The following SRGAP2C variants were observed in gnomAD, a reference collection of about 807,000 sequenced individuals.
SRGAP2C encodes SLIT-ROBO Rho GTPase-activating protein 2C.
In SRGAP2C, 15 loss-of-function variants were observed where a neutral mutation model predicts 25.1. That is an observed-to-expected ratio of 0.60 (90% CI 0.40 to 0.92). The LOEUF (loss-of-function observed/expected upper bound fraction) is 0.92. Ranked by LOEUF, SRGAP2C falls within the 40% of genes least tolerant of loss-of-function variation. The probability of loss-of-function intolerance (pLI) is 0.00; values close to 1 mark genes in which losing one functional copy is unlikely to be tolerated. For missense variants in SRGAP2C, 144 were observed against 264.4 expected (o/e 0.54, Z 3.16); for synonymous variants, 44 against 96.6 (o/e 0.46, Z 3.19).
intron 3 of SRGAP2C, among the ~76,000 whole-genome samples, chr1:121,305,943 G>C (rs1169448053): frequency 6.6e-6 from 1 of 152,048 alleles, no homozygotes; most frequent in Non-Finnish European, 1.5e-5. Context: ...CTCTTTCTAT[G>C]TACTGACAGG....
chr1:121,337,605 A>G (rs1423673692), intron 4 of SRGAP2C, among the ~76,000 whole-genome samples: 2 of 151,822 alleles, frequency 1.3e-5, no homozygotes, highest in African/African-American at 2.4e-5. Context: ...GTACTCCAGC[A>G]TGGGTGACAG....
chr1:121,291,810 TG>T (rs1341460981), intron 3 of SRGAP2C, among the ~76,000 whole-genome samples: 2 of 126,072 alleles, frequency 1.6e-5, no homozygotes, highest in African/African-American at 6.2e-5. Context: ...ATGAAATTGC[TG>T]GTTTTTTTTG....
chr1:121,351,610 AAAATAAATAAATAAAT>A (rs1218821325), intron 4 of SRGAP2C, among the ~76,000 whole-genome samples: 2 of 104,708 alleles, frequency 1.9e-5, no homozygotes, highest in Admixed American at 9.2e-5. Context: ...ACTCCATCTC[AAAATAAATAAATAAAT>A]AAATAAATAA....
rs1447571028 is a variant in SRGAP2C, at chr1:121,314,928, C to A, written c.261-9550C>A. On this transcript the variant is annotated intron_variant, in intron 3 of 9. Transcript: ENST00000367123. Reference sequence around the variant, plus strand: ...TATTCGGCCATATTGGCTCCTCCCCCCTACACTGAATCATTTATTTTGAGC... The same window carrying A: ...TATTCGGCCATATTGGCTCCTCCCCACTACACTGAATCATTTATTTTGAGC... The A allele has an allele frequency of 1.8e-5, 14 of 775,968 alleles. No individual in the cohort carries two copies. The Middle Eastern group carries it at 1.1e-3, about 61-fold the overall frequency. The allele number at this position is 775,968 out of a possible 1,614,324, so 48.1% of individuals were successfully genotyped here.
chr1:121,243,307 C>G (rs1199295723), intron 2 of SRGAP2C, among the ~76,000 whole-genome samples: 5 of 135,462 alleles, frequency 3.7e-5, no homozygotes, highest in African/African-American at 1.1e-4. Context: ...TTCCTTGGCA[C>G]TTGGTCACAT....
intron 2 of SRGAP2C, among the ~76,000 whole-genome samples, chr1:121,234,962 C>A (rs797033103): frequency 6.6e-6 from 1 of 151,670 alleles, no homozygotes; most frequent in African/African-American, 2.4e-5. Context: ...TTCTTTTCTT[C>A]TTTTCTTTCC....
At chr1:121,328,403 AACTT>A (rs1658359410) in intron 4 of SRGAP2C, among the ~76,000 whole-genome samples, 1 of 151,620 alleles carries the variant, frequency 6.6e-6, no homozygotes, top group Non-Finnish European at 1.5e-5. Flanking sequence ...TAATCTATAA[AACTT>A]AATGATTCAC....
intron 3 of SRGAP2C, among the ~76,000 whole-genome samples, chr1:121,286,386 G>T (rs1657367303): frequency 6.7e-6 from 1 of 150,374 alleles, no homozygotes; most frequent in South Asian, 2.1e-4. Flanking sequence ...GAGTAGCTGG[G>T]ACTGCAGGTG....
intron 4 of SRGAP2C, among the ~76,000 whole-genome samples, chr1:121,339,243 C>T (rs1173459474): frequency 4.4e-5 from 6 of 135,878 alleles, no homozygotes; most frequent in East Asian, 4.1e-4. Flanking sequence ...GGTTCTTTGG[C>T]TATGTTGTCT....
At chr1:121,308,138 G>A (rs1455922731) in intron 3 of SRGAP2C, among the ~76,000 whole-genome samples, 2 of 128,692 alleles carry the variant, frequency 1.6e-5, no homozygotes, top group Non-Finnish European at 3.4e-5. Flanking sequence ...AGCCCTTTGA[G>A]ATGCTAAGGG....
Position 121,244,290 on chromosome 1 carries a change from C to T in SRGAP2C, c.68-40513C>T, listed in dbSNP as rs1451224357. ...CTGCCACCAGTTGATTGCTTTTGTT[C>T]GCATGTATTACTTTGGTAAAAAAAT... On this transcript the variant is annotated intron_variant, in intron 2 of 9. Transcript: ENST00000367123. Among the ~76,000 whole-genome samples the T allele has an allele frequency of 5.2e-5, 6 of 114,928 alleles. 1 individual carries two copies. The highest frequency in any genetic ancestry group is 2.7e-4 in the Admixed American group (3 of 11,236). The allele number at this position is 114,928 out of a possible 152,430, so 75.4% of individuals were successfully genotyped here. A position where few individuals can be genotyped will look rare whatever the true frequency, so the allele number is the denominator to read the frequency against.
At chr1:121,249,581 T>A (rs1201142936) in intron 2 of SRGAP2C, among the ~76,000 whole-genome samples, 1 of 13,140 alleles carries the variant, frequency 7.6e-5, no homozygotes, top group East Asian at 2.7e-3. Flanking sequence ...TATATATATA[T>A]TTTTTTTTTT....
chr1:121,270,956 C>T lies in SRGAP2C; in HGVS notation c.68-13847C>T, dbSNP rs587742008. ...TACAGGCGCCCGCCACCACGCCCAG[C>T]TACTTTTTTTGTATTTTTTTTTAGT... On this transcript the variant is annotated intron_variant, in intron 2 of 9. Coordinates refer to ENST00000367123, the MANE Select transcript of SRGAP2C (RefSeq NM_001329984.2). Among the ~76,000 whole-genome samples, 590 of 151,318 alleles carry T rather than the reference C, an allele frequency of 3.9e-3. 8 individuals carry two copies. The highest frequency in any genetic ancestry group is 0.013 in the African/African-American group (542 of 41,406).
chr1:121,278,357 C>T (rs1657161139), intron 2 of SRGAP2C, among the ~76,000 whole-genome samples: 2 of 149,990 alleles, frequency 1.3e-5, no homozygotes, highest in African/African-American at 4.9e-5. Flanking sequence ...ATCTTGATGG[C>T]CTTTTCTTGG....
Position 121,314,970 on chromosome 1 carries a change from C to T in SRGAP2C, c.261-9508C>T, listed in dbSNP as rs1227826800. 2,497 of 1,015,794 alleles carry T rather than the reference C, an allele frequency of 2.5e-3. 126 individuals are homozygous for T. The South Asian group carries it at 0.031, about 12-fold the overall frequency. 62.9% of individuals were successfully genotyped at this position (1,015,794 alleles called of 1,614,324 possible). On this transcript the variant is annotated intron_variant, in intron 3 of 9. Transcript: ENST00000367123. ...ATTTTGAGCCAGGGCTTGAAGCAGACAATCCAAGCATCCTTCTAAACTATC... is the reference window on the plus strand; with the variant it reads ...ATTTTGAGCCAGGGCTTGAAGCAGATAATCCAAGCATCCTTCTAAACTATC...
chr1:121,281,633 GA>G (rs1293531882), intron 2 of SRGAP2C, among the ~76,000 whole-genome samples: 1 of 84,366 alleles, frequency 1.2e-5, no homozygotes, highest in Non-Finnish European at 2.4e-5. Context: ...CACAGGACAA[GA>G]AAAGCACTTC....
chr1:121,224,746 G>A (rs1259907170), intron 2 of SRGAP2C, among the ~76,000 whole-genome samples: 3 of 151,116 alleles, frequency 2.0e-5, no homozygotes, highest in Non-Finnish European at 4.4e-5. Context: ...ACTGGACAGG[G>A]AATAAAACCA....
chr1:121,236,670 G>T (rs1464860516), intron 2 of SRGAP2C, among the ~76,000 whole-genome samples: 1 of 151,650 alleles, frequency 6.6e-6, no homozygotes, highest in African/African-American at 2.4e-5. Context: ...TCCTCTTTCA[G>T]TTCGAGATCT....
At chr1:121,362,353 C>G (rs1553348750) in intron 4 of SRGAP2C, among the ~76,000 whole-genome samples, 3 of 149,900 alleles carry the variant, frequency 2.0e-5, no homozygotes, top group Non-Finnish European at 4.4e-5. Flanking sequence ...CAACCCTCAG[C>G]CAGAGGGAGC....
Sources: gnomAD v4.1 joint callset for allele counts (sites outside exome capture counted in the v4.1 genomes callset) on GRCh38, gnomAD v4.1.1 for gene constraint, MANE v1.5 for transcripts, NCBI Gene and HGNC (gene_info 2026-07-23, HGNC 2026-07-21) for gene names.